Variants in ECPAS observed in about 807,000 individuals in gnomAD.
ECPAS encodes proteasome adapter and scaffold protein ECM29.
In ECPAS, 70 loss-of-function variants were observed where a neutral mutation model predicts 255.1. That is an observed-to-expected ratio of 0.27 (90% CI 0.23 to 0.33). ECPAS has a LOEUF of 0.33. Among genes scored for constraint, ECPAS ranks in the 10% least tolerant of loss-of-function variants. The pLI, the probability that ECPAS is intolerant of heterozygous loss-of-function variation, is 1.00. For missense variants in ECPAS, 1,817 were observed against 2,206.4 expected (o/e 0.82, Z 3.54); for synonymous variants, 784 against 775.0 (o/e 1.01, Z -0.19).
Position 111,407,965 on chromosome 9 carries a change from G to C in ECPAS, c.2652+606C>G, listed in dbSNP as rs560247175. 1.6e-3 allele frequency among the ~76,000 whole-genome samples: 245 copies of C among 152,318 alleles called. 1 individual carries two copies. Among genetic ancestry groups the C allele is most frequent in the African/African-American group, 5.8e-3 (239 of 41,560 alleles). On this transcript the variant is annotated intron_variant, in intron 24 of 49. Coordinates refer to ENST00000684092, the MANE Select transcript of ECPAS (RefSeq NM_001364929.1). ...ACAAGTAACTAAAGAATCTACCCTA[G>C]TATGATGGGTCAGGGAAGGCTTTTC... is the stretch of plus-strand genomic sequence containing the variant.
rs1252995864 is a variant in ECPAS at position 111,440,422 on chromosome 9, A to G, written c.489T>C (p.Thr163=). 1.2e-6 allele frequency: 2 copies of G among 1,613,566 alleles called. No individual in the cohort carries two copies. Among genetic ancestry groups the G allele is most frequent in the African/African-American group, 1.3e-5 (1 of 74,936 alleles). Residue 163 remains threonine (T), a synonymous_variant, in exon 6 of 50, where the codon ACT becomes ACC. Coordinates refer to ENST00000684092, the MANE Select transcript of ECPAS (RefSeq NM_001364929.1). ...GCATGAAGTCCAAAAGCAGCTGCACAGTCTTTGGTTTCTCAGCAAGATTAA... is the reference window on the plus strand; with the variant it reads ...GCATGAAGTCCAAAAGCAGCTGCACGGTCTTTGGTTTCTCAGCAAGATTAA... ...SPFNLAEKPK[T]VQLLLDFMLD...
intron 15 of ECPAS, among the ~76,000 whole-genome samples, chr9:111,421,571 CT>C (rs2098213995): frequency 1.3e-5 from 2 of 152,080 alleles, no homozygotes; most frequent in Admixed American, 1.3e-4. Context: ...TGGAATTTGT[CT>C]TTCATCCCTT....
intron 2 of ECPAS, among the ~76,000 whole-genome samples, chr9:111,469,803 T>C (rs1463445322): frequency 6.6e-6 from 1 of 151,094 alleles, no homozygotes; most frequent in Non-Finnish European, 1.5e-5. Flanking sequence ...AGCGAGACTC[T>C]GTCTCAAAAA....
At chr9:111,414,318 G>A (rs767662782) in intron 19 of ECPAS, 111 bp downstream of exon 19, 1 of 907,094 alleles carries the variant, frequency 1.1e-6, no homozygotes, top group African/African-American at 1.7e-5. Flanking sequence ...AAAGGCTAAT[G>A]TTCAGTTACA....
At chr9:111,460,460 A>G (rs2098271838) in intron 2 of ECPAS, among the ~76,000 whole-genome samples, 2 of 152,226 alleles carry the variant, frequency 1.3e-5, no homozygotes, top group South Asian at 4.1e-4. Flanking sequence ...ATTCTATTCA[A>G]ATTTGTACTG....
chr9:111,474,672 C>T (rs570195181), intron 1 of ECPAS, among the ~76,000 whole-genome samples: 1 of 152,302 alleles, frequency 6.6e-6, no homozygotes, highest in South Asian at 2.1e-4. Context: ...ACATGCTGGT[C>T]CCAACCTATC....
intron 2 of ECPAS, among the ~76,000 whole-genome samples, chr9:111,471,311 T>C (rs2098287774): frequency 6.6e-6 from 1 of 152,192 alleles, no homozygotes; most frequent in African/African-American, 2.4e-5. Flanking sequence ...TCCCAATTTT[T>C]CATTTCTCTA....
At chr9:111,461,473 A>G (rs2098273070) in intron 2 of ECPAS, among the ~76,000 whole-genome samples, 1 of 152,174 alleles carries the variant, frequency 6.6e-6, no homozygotes, top group Admixed American at 6.5e-5. Flanking sequence ...TCAAAAAAAT[A>G]AACACATAAA....
intron 26 of ECPAS, among the ~76,000 whole-genome samples, 194 bp from the exon 27 acceptor site, chr9:111,393,928 C>G (rs999816755): frequency 1.4e-4 from 21 of 152,238 alleles, no homozygotes; most frequent in Admixed American, 6.5e-4. Context: ...CACATGCAAG[C>G]TGACCACTGC....
chr9:111,475,068 G>A (rs2098294523), intron 1 of ECPAS, among the ~76,000 whole-genome samples: 1 of 152,088 alleles, frequency 6.6e-6, no homozygotes, highest in South Asian at 2.1e-4. Flanking sequence ...ATTTCTTGAG[G>A]TTTCCAAAGA....
chr9:111,433,257 T>A lies in ECPAS; in HGVS notation c.824A>T (p.Asp275Val). Residue 275 changes from aspartate (D) to valine (V), a missense_variant, in exon 8 of 50, where the codon GAC (aspartate) becomes GTC (valine). This residue lies in a region of ECPAS where 573 missense variants were observed against 716.2 expected (regional missense o/e 0.80). Transcript: ENST00000684092. ...CCTCTGTTTGCTTTTCAATTCCAGG[T>A]CTGCTGCCGTTGCCACACTGTGGCG... ...DTRHSVATAA[D>V]LELKSKQSLI... 1 of 1,613,988 alleles carries A rather than the reference T, an allele frequency of 6.2e-7. No individual in the cohort carries two copies. Among genetic ancestry groups the A allele is most frequent in the Non-Finnish European group, 8.5e-7 (1 of 1,179,828 alleles).
intron 8 of ECPAS, 27 bp downstream of exon 8, chr9:111,433,206 C>A: frequency 6.2e-7 from 1 of 1,603,130 alleles, no homozygotes; most frequent in Non-Finnish European, 8.5e-7. Context: ...TCCTTTCAAT[C>A]TTGAAAGTTT....
chr9:111,390,192 A>C (rs1348860795), intron 29 of ECPAS, 91 bp from the exon 30 acceptor site: 1 of 675,810 alleles, frequency 1.5e-6, no homozygotes, highest in Non-Finnish European at 2.4e-6. Flanking sequence ...GGACATACTA[A>C]AATCAAATTT....
At chr9:111,383,006 C>T (rs554869112) in intron 35 of ECPAS, among the ~76,000 whole-genome samples, 12 of 152,158 alleles carry the variant, frequency 7.9e-5, no homozygotes, top group Non-Finnish European at 1.8e-4. Context: ...CAGAACAACA[C>T]GCTTGACTCA....
rs143408349 is a variant in ECPAS at position 111,403,484 on chromosome 9, T to C, written c.2652+5087A>G. Among the ~76,000 whole-genome samples the C allele has an allele frequency of 2.9e-4, 41 of 140,204 alleles. 5 individuals carry two copies. Among genetic ancestry groups the C allele is most frequent in the African/African-American group, 1.2e-3 (38 of 32,920 alleles). 92.0% of individuals were successfully genotyped at this position (140,204 alleles called of 152,430 possible). A position where few individuals can be genotyped will look rare whatever the true frequency, so the allele number is the denominator to read the frequency against. ...GTAACTATACTTGCATCAGATAAAA[T>C]AGATTTCAAGTCAAAAACTAGAAAA... On this transcript the variant is annotated intron_variant, in intron 24 of 49. Coordinates refer to ENST00000684092, the MANE Select transcript of ECPAS (RefSeq NM_001364929.1).
chr9:111,416,157 ACAC>A (rs941290384), intron 18 of ECPAS, 112 bp downstream of exon 18: 2 of 655,280 alleles, frequency 3.1e-6, no homozygotes, highest in African/African-American at 3.6e-5. Flanking sequence ...AAGAACAATG[ACAC>A]CACAATATGG....
chr9:111,471,165 T>A (rs2098287571), intron 2 of ECPAS, among the ~76,000 whole-genome samples: 1 of 152,278 alleles, frequency 6.6e-6, no homozygotes. Context: ...ATCCTAGCAG[T>A]TGTAGCTTCA....
intron 24 of ECPAS, among the ~76,000 whole-genome samples, chr9:111,397,519 T>C (rs1469950732): frequency 6.6e-6 from 1 of 152,220 alleles, no homozygotes; most frequent in Admixed American, 6.5e-5. Context: ...TCACCACCTA[T>C]AAACCCTTAT....
chr9:111,366,928 AC>A (rs2098121076), intron 46 of ECPAS, among the ~76,000 whole-genome samples: 1 of 152,162 alleles, frequency 6.6e-6, no homozygotes. Flanking sequence ...ACAAATATTC[AC>A]TTTCAAGGCA....
Sources: gnomAD v4.1 joint callset for allele counts (sites outside exome capture counted in the v4.1 genomes callset) on GRCh38, gnomAD v4.1.1 for gene constraint, gnomAD v4.1.1 regional missense constraint, MANE v1.5 for transcripts, NCBI Gene and HGNC (gene_info 2026-07-23, HGNC 2026-07-21) for gene names.